ACSL3: variants seen among roughly 807,000 people sequenced by gnomAD.
ACSL3 encodes the protein fatty acid CoA ligase Acsl3.
Under a neutral mutation model 84.7 loss-of-function variants are expected in ACSL3, and 34 were observed. The ratio of observed to expected loss-of-function variants is 0.40; its 90% CI spans 0.31 to 0.53. ACSL3 has a LOEUF of 0.53. Among genes scored for constraint, ACSL3 ranks in the 20% least tolerant of loss-of-function variants. The probability of loss-of-function intolerance (pLI) is 0.48; values close to 1 mark genes in which losing one functional copy is unlikely to be tolerated. For missense variants in ACSL3, 680 were observed against 873.1 expected, an observed-to-expected ratio of 0.78 and a Z score of 2.79; for synonymous variants, 315 against 299.4, an observed-to-expected ratio of 1.05 and a Z score of -0.54.
chr2:222,936,984 G>C (rs1368328277), intron 16 of ACSL3, among the ~76,000 whole-genome samples: 3 of 152,058 alleles, frequency 2.0e-5, no homozygotes, highest in Non-Finnish European at 2.9e-5. Context: ...CTCCCACCAG[G>C]TTCCCCCCTT....
chr2:222,905,680 C>T (rs896078782), intron 3 of ACSL3, among the ~76,000 whole-genome samples: 7 of 152,082 alleles, frequency 4.6e-5, no homozygotes, highest in African/African-American at 7.3e-5. Flanking sequence ...CAAATTCCCT[C>T]GACCAGTCTT....
At chr2:222,919,683 G>A (rs189245626) in intron 7 of ACSL3, among the ~76,000 whole-genome samples, 7 of 152,264 alleles carry the variant, frequency 4.6e-5, no homozygotes, top group Non-Finnish European at 4.4e-5. Flanking sequence ...TCAAAAAAGC[G>A]TCAGAAAATG....
intron 5 of ACSL3, chr2:222,916,704 T>A: frequency 4.7e-6 from 2 of 429,242 alleles, no homozygotes; most frequent in Non-Finnish European, 4.0e-6. Flanking sequence ...CAGTGAGGCT[T>A]GAACCTCTTC....
chr2:222,925,352 A>T (rs1287726823), intron 11 of ACSL3, among the ~76,000 whole-genome samples: 1 of 151,852 alleles, frequency 6.6e-6, no homozygotes. Context: ...CAAAAAAAAA[A>T]AAAAAAAAAA....
chr2:222,873,737 TATA>T (rs1281348858), intron 1 of ACSL3, among the ~76,000 whole-genome samples: 2 of 152,252 alleles, frequency 1.3e-5, no homozygotes, highest in Admixed American at 6.5e-5. Context: ...TTAGTGGTTG[TATA>T]ATAATCTACT....
intron 1 of ACSL3, among the ~76,000 whole-genome samples, chr2:222,882,767 T>TTTTTG (rs1553586490): frequency 2.1e-5 from 3 of 141,600 alleles, no homozygotes; most frequent in East Asian, 2.0e-4. Context: ...CACTGTTTTT[T>TTTTTG]TTTTTTTTTT....
chr2:222,920,769 C>T (rs915496875), intron 7 of ACSL3, among the ~76,000 whole-genome samples: 2 of 152,134 alleles, frequency 1.3e-5, no homozygotes, highest in Admixed American at 1.3e-4. Flanking sequence ...ATGTGTGGTC[C>T]CTGATAGCCA....
chr2:222,899,014 A>G (rs1027633729), intron 2 of ACSL3, among the ~76,000 whole-genome samples: 1 of 152,194 alleles, frequency 6.6e-6, no homozygotes, highest in South Asian at 2.1e-4. Flanking sequence ...TATTTGAGAA[A>G]AGAGTGGTTT....
chr2:222,919,942 A>G (rs893347335), intron 7 of ACSL3, among the ~76,000 whole-genome samples: 1 of 152,182 alleles, frequency 6.6e-6, no homozygotes, highest in Non-Finnish European at 1.5e-5. Flanking sequence ...TTAGGTTTTA[A>G]TTATAGCTGT....
chr2:222,894,808 T>G (rs1695931346), intron 2 of ACSL3, among the ~76,000 whole-genome samples: 1 of 152,208 alleles, frequency 6.6e-6, no homozygotes, highest in Admixed American at 6.5e-5. Context: ...GTAGCTTACT[T>G]TTAATGGCTG....
At chr2:222,921,596 A>T (rs1696740574) in intron 8 of ACSL3, among the ~76,000 whole-genome samples, 166 bp downstream of exon 8, 1 of 152,200 alleles carries the variant, frequency 6.6e-6, no homozygotes, top group South Asian at 2.1e-4. Context: ...ATGGCAAAAT[A>T]GTTATAGTTG....
intron 1 of ACSL3, among the ~76,000 whole-genome samples, chr2:222,876,514 C>CTA (rs1695454060): frequency 2.0e-5 from 3 of 151,948 alleles, no homozygotes; most frequent in Admixed American, 2.0e-4. Flanking sequence ...TTTGTAGACA[C>CTA]TAGATCTATT....
chr2:222,867,923 G>T (rs186701922), intron 1 of ACSL3, among the ~76,000 whole-genome samples: 1 of 149,862 alleles, frequency 6.7e-6, no homozygotes, highest in African/African-American at 2.4e-5. Flanking sequence ...AAACTGTAAT[G>T]GGCACTTTTC....
chr2:222,862,792 C>A (rs371970655), intron 1 of ACSL3, among the ~76,000 whole-genome samples: 5 of 152,136 alleles, frequency 3.3e-5, no homozygotes, highest in Non-Finnish European at 7.4e-5. Context: ...CAAGTCACCT[C>A]GTATCTTTGG....
At chr2:222,907,010 T>C (rs1276667292) in intron 3 of ACSL3, among the ~76,000 whole-genome samples, 2 of 152,240 alleles carry the variant, frequency 1.3e-5, no homozygotes, top group African/African-American at 2.4e-5. Context: ...CTCTGTGTTC[T>C]TACAGCCTGC....
At chr2:222,926,937 A>T (rs1031889245) in intron 11 of ACSL3, 80 bp from the exon 12 acceptor site, 4 of 1,472,482 alleles carry the variant, frequency 2.7e-6, no homozygotes, top group Admixed American at 1.9e-5. Context: ...TCTCATATCA[A>T]AACTGGGGGA....
chr2:222,894,457 G>C (rs907855380), intron 2 of ACSL3, among the ~76,000 whole-genome samples: 4 of 152,204 alleles, frequency 2.6e-5, no homozygotes, highest in Non-Finnish European at 5.9e-5. Context: ...TTTGAACCTA[G>C]CTATTTATCA....
chr2:222,921,222 TG>T (rs1281725311), intron 7 of ACSL3, 57 bp from the exon 8 acceptor site: 8 of 1,543,972 alleles, frequency 5.2e-6, no homozygotes, highest in Non-Finnish European at 5.3e-6. Context: ...GAAAAGAAAT[TG>T]TTGATACAGC....
intron 2 of ACSL3, among the ~76,000 whole-genome samples, chr2:222,899,554 G>A (rs1053191064): frequency 3.9e-5 from 6 of 152,164 alleles, no homozygotes; most frequent in African/African-American, 1.2e-4. Context: ...CTGAAGGGAA[G>A]GTTCTCGGAT....
Sources: allele counts gnomAD v4.1 joint callset (sites outside exome capture counted in the v4.1 genomes callset), GRCh38; gene constraint gnomAD v4.1.1; transcripts MANE v1.5; gene names NCBI Gene and HGNC (gene_info 2026-07-23, HGNC 2026-07-21).